The following UGT2A1 variants were observed in gnomAD, a reference collection of about 807,000 sequenced individuals.
UGT2A1 encodes the protein UDP-glucuronosyltransferase 2A1.
A neutral mutation model predicts 45.4 loss-of-function variants in UGT2A1; 61 were observed. The ratio of observed to expected loss-of-function variants is 1.34; its 90% CI spans 1.09 to 1.66. The LOEUF (loss-of-function observed/expected upper bound fraction) is 1.66, where lower values mean the gene tolerates loss of function less well. Among genes scored for constraint, UGT2A1 ranks in the 40% most tolerant of loss-of-function variants. The probability of loss-of-function intolerance (pLI) is 0.00; values close to 1 mark genes in which losing one functional copy is unlikely to be tolerated. For synonymous variants in UGT2A1, 229 were observed against 196.2 expected (o/e 1.17, Z -1.40); for missense variants, 649 against 574.3 (o/e 1.13, Z -1.33).
At chr4:69,597,624 A>C (rs1192833995) in intron 4 of UGT2A1, among the ~76,000 whole-genome samples, 2 of 152,168 alleles carry the variant, frequency 1.3e-5, no homozygotes, top group Admixed American at 1.3e-4. Context: ...TTTTTGGCTT[A>C]GTTAATGTCA....
At chr4:69,621,071 T>A (rs1336051722) in intron 3 of UGT2A1, among the ~76,000 whole-genome samples, 1 of 151,896 alleles carries the variant, frequency 6.6e-6, no homozygotes, top group Non-Finnish European at 1.5e-5. Flanking sequence ...TAGTCAATAC[T>A]ATCCTGGACA....
chr4:69,594,794 AAAG>A, intron 5 of UGT2A1, 98 bp from the exon 6 acceptor site: 1 of 1,372,728 alleles, frequency 7.3e-7, no homozygotes, highest in Non-Finnish European at 9.9e-7. Context: ...GTAACTCTCT[AAAG>A]AAGGATACGT....
chr4:69,613,267 C>T (rs1338165444), intron 3 of UGT2A1, among the ~76,000 whole-genome samples: 2 of 151,710 alleles, frequency 1.3e-5, no homozygotes, highest in African/African-American at 2.4e-5. Context: ...CATATATAGC[C>T]CATAAGACTG....
intron 6 of UGT2A1, among the ~76,000 whole-genome samples, chr4:69,594,067 C>T (rs2033798): frequency 0.39 from 58,117 of 149,736 alleles, 11,542 homozygotes; most frequent in East Asian, 0.55. Context: ...CTCCACCTCC[C>T]GGGTTCACGC....
intron 2 of UGT2A1, among the ~76,000 whole-genome samples, chr4:69,640,402 G>A (rs11936310): frequency 0.23 from 34,287 of 151,656 alleles, 4,141 homozygotes; most frequent in Middle Eastern, 0.25. Flanking sequence ...TAATGTTAGC[G>A]GTTTAATAAA....
intron 2 of UGT2A1, among the ~76,000 whole-genome samples, chr4:69,638,190 T>C (rs1721826197): frequency 6.6e-6 from 1 of 152,050 alleles, no homozygotes; most frequent in Admixed American, 6.6e-5. Flanking sequence ...TCCCGAGTAC[T>C]AAGAGATCTG....
At chr4:69,637,638 C>G (rs1336857201) in intron 2 of UGT2A1, among the ~76,000 whole-genome samples, 2 of 152,112 alleles carry the variant, frequency 1.3e-5, no homozygotes, top group African/African-American at 4.8e-5. Context: ...CAAACTCACT[C>G]TAAGAACTAT....
At chr4:69,615,376 T>C (rs1720317990) in intron 3 of UGT2A1, among the ~76,000 whole-genome samples, 1 of 151,870 alleles carries the variant, frequency 6.6e-6, no homozygotes, top group South Asian at 2.1e-4. Flanking sequence ...TGGGATCACA[T>C]CAACCTCAAC....
At chr4:69,635,849 A>AAAAAAAAAAAAAAAAAAGAG (rs772370302) in intron 2 of UGT2A1, 27 bp from the exon 3 acceptor site, 3 of 118,514 alleles carry the variant, frequency 2.5e-5, no homozygotes, top group African/African-American at 1.2e-4. Context: ...AAAAAAAAAA[A>AAAAAAAAAAAAAAAAAAGAG]AGAGAGAGAG....
At chr4:69,606,923 A>G (rs1374934842) in intron 3 of UGT2A1, among the ~76,000 whole-genome samples, 1 of 136,698 alleles carries the variant, frequency 7.3e-6, no homozygotes, top group Non-Finnish European at 1.6e-5. Context: ...AAAAGAGGAT[A>G]CAAACAAATG....
intron 3 of UGT2A1, among the ~76,000 whole-genome samples, chr4:69,616,298 A>C (rs1389202111): frequency 1.3e-5 from 2 of 151,990 alleles, no homozygotes; most frequent in African/African-American, 4.8e-5. Flanking sequence ...AGTTAGAATG[A>C]AAAAATCTAG....
At chr4:69,618,091 G>T (rs1720503840) in intron 3 of UGT2A1, among the ~76,000 whole-genome samples, 2 of 151,690 alleles carry the variant, frequency 1.3e-5, no homozygotes, top group South Asian at 2.1e-4. Context: ...ATAAAAATTA[G>T]ATTACATGTT....
chr4:69,604,479 C>A (rs62306493), intron 3 of UGT2A1, among the ~76,000 whole-genome samples: 25,109 of 135,978 alleles, frequency 0.18, 6,125 homozygotes, highest in Non-Finnish European at 0.22. Context: ...CCACATTGTA[C>A]AGACCATCGA....
At chr4:69,651,302 T>G (rs1160546367) in intron 1 of UGT2A1, among the ~76,000 whole-genome samples, 1 of 152,212 alleles carries the variant, frequency 6.6e-6, no homozygotes, top group Admixed American at 6.6e-5. Flanking sequence ...AAAGCTAATC[T>G]GCCCTTGCCA....
intron 3 of UGT2A1, among the ~76,000 whole-genome samples, chr4:69,632,456 G>A (rs1217606862): frequency 3.3e-5 from 5 of 152,052 alleles, no homozygotes; most frequent in Admixed American, 6.5e-5. Context: ...ACATCCAATG[G>A]CTTCATCATT....
At chr4:69,645,819 C>T (rs1446494314) in intron 2 of UGT2A1, among the ~76,000 whole-genome samples, 1 of 151,848 alleles carries the variant, frequency 6.6e-6, no homozygotes, top group African/African-American at 2.4e-5. Flanking sequence ...GCATCTTCCT[C>T]CATGTCTCCC....
At chr4:69,599,453 A>C in intron 3 of UGT2A1, 59 bp from the exon 4 acceptor site, 1 of 1,581,370 alleles carries the variant, frequency 6.3e-7, no homozygotes, top group Non-Finnish European at 8.5e-7. Flanking sequence ...GCTGAGGAGA[A>C]AAAAAAGCTA....
chr4:69,639,100 T>C, intron 2 of UGT2A1: 2 of 1,613,540 alleles, frequency 1.2e-6, no homozygotes, highest in Admixed American at 1.7e-5. Flanking sequence ...GGAGAGAACC[T>C]CAATGTGTAC....
chr4:69,615,228 A>T (rs1720307021), intron 3 of UGT2A1, among the ~76,000 whole-genome samples: 1 of 152,082 alleles, frequency 6.6e-6, no homozygotes, highest in Admixed American at 6.6e-5. Context: ...TCTAATTTAA[A>T]TCTAATCTTT....
Sources: gnomAD v4.1 joint callset for allele counts (sites outside exome capture counted in the v4.1 genomes callset) on GRCh38, gnomAD v4.1.1 for gene constraint, MANE v1.5 for transcripts, NCBI Gene and HGNC (gene_info 2026-07-23, HGNC 2026-07-21) for gene names.